The following HSP90AA1 variants were observed in gnomAD, a reference collection of about 807,000 sequenced individuals.
The protein encoded by HSP90AA1 is heat shock protein 90 alpha family class A member 1.
HSP90AA1 carries 18 observed loss-of-function variants against 73.3 expected under a neutral mutation model. That is an observed-to-expected ratio of 0.25 (90% confidence interval 0.17 to 0.36). The LOEUF is 0.36. Among genes scored for constraint, HSP90AA1 ranks in the 10% least tolerant of loss-of-function variants. The pLI, the probability that HSP90AA1 is intolerant of heterozygous loss-of-function variation, is 1.00. For missense variants in HSP90AA1, 704 were observed against 874.2 expected (o/e 0.81, Z 2.45); for synonymous variants, 477 against 296.9 (o/e 1.61, Z -6.24).
rs1459747891 is a variant in HSP90AA1, at chr14:102,139,188, C to T, written c.155+62G>A. On this transcript the variant is annotated intron_variant, in intron 1 of 11. Coordinates refer to the HSP90AA1 transcript ENST00000334701. ...AACACCTATGCTGTACCACATTCTT[C>T]TCTCCCCCTACCCCGCCTGAAATAA... The T allele has an allele frequency of 1.9e-6, 3 of 1,591,506 alleles. No homozygotes were observed. In the Admixed American group the frequency reaches 5.1e-5, roughly 27 times the overall value.
At chr14:102,085,690 G>A (rs2049213389) in intron 3 of HSP90AA1, 68 bp downstream of exon 3, 2 of 1,607,784 alleles carry the variant, frequency 1.2e-6, no homozygotes, top group Non-Finnish European at 1.7e-6. Context: ...CGCATCCCCA[G>A]GGGTCCAAGG....
chr14:102,108,264 A>G (rs946784830), intron 1 of HSP90AA1, among the ~76,000 whole-genome samples: 2 of 17,090 alleles, frequency 1.2e-4, no homozygotes, highest in South Asian at 0.016. Flanking sequence ...CCTTGTCTCC[A>G]AAAAAAAAAA....
rs2049963220 is a variant in HSP90AA1, at chr14:102,134,842, T to C, written c.155+4408A>G. ...GAAGTGAACCCGAGCGGGTTGCCAATGCTAGCTCGGGCAGCCTGCTTTTAT... is the reference window on the plus strand; with the variant it reads ...GAAGTGAACCCGAGCGGGTTGCCAACGCTAGCTCGGGCAGCCTGCTTTTAT... On this transcript the variant is annotated intron_variant, in intron 1 of 11. Coordinates refer to the HSP90AA1 transcript ENST00000334701. 2.0e-5 allele frequency among the ~76,000 whole-genome samples: 3 copies of C among 152,192 alleles called. No homozygotes were observed. In the South Asian group the frequency reaches 6.2e-4, roughly 32 times the overall value.
chr14:102,085,399 G>C lies in HSP90AA1; in HGVS notation c.562C>G (p.Leu188Val), dbSNP rs765578002. Residue 188 changes from leucine to valine, a missense_variant, in exon 4 of 11, where the codon CTA (leucine) becomes GTA (valine). Transcript: ENST00000216281. Reference sequence around the variant, plus strand: ...TCAGTTTGGTCTTCTTTCAGGTGTAGGATAACTTTTGTTCCACGACCCATA... The same window carrying C: ...TCAGTTTGGTCTTCTTTCAGGTGTACGATAACTTTTGTTCCACGACCCATA... ...EPMGRGTKVILHLKEDQTEYL... is the reference protein window; with the variant it reads ...EPMGRGTKVIVHLKEDQTEYL... 4 of 1,613,592 alleles carry C rather than the reference G, an allele frequency of 2.5e-6. No homozygotes were observed. The highest frequency in any genetic ancestry group is 3.4e-6 in the Non-Finnish European group (4 of 1,179,530).
chr14:102,083,778 G>A lies in HSP90AA1; in HGVS notation c.1338+15C>T, dbSNP rs557394120. 12 of 1,601,536 alleles carry A rather than the reference G, an allele frequency of 7.5e-6. No individual in the cohort carries two copies. The South Asian group carries it at 1.2e-4, about 16-fold the overall frequency. On this transcript the variant is annotated intron_variant, in intron 7 of 10. Coordinates refer to ENST00000216281, the MANE Select transcript of HSP90AA1 (RefSeq NM_005348.4). Reference sequence around the variant, plus strand: ...AAAGAGGCCAATTGGAAAACTAATGGTTATTTACACCAACCTTTATGTTTT... The same window carrying A: ...AAAGAGGCCAATTGGAAAACTAATGATTATTTACACCAACCTTTATGTTTT...
At chr14:102,102,607 C>T (rs962748432) in intron 1 of HSP90AA1, among the ~76,000 whole-genome samples, 5 of 152,198 alleles carry the variant, frequency 3.3e-5, no homozygotes, top group African/African-American at 4.8e-5. Flanking sequence ...CCCTGTTCCA[C>T]ACTCTGTATG....
rs376375963 is a variant in HSP90AA1, at chr14:102,139,238, G to A, written c.155+12C>T. On this transcript the variant is annotated intron_variant, in intron 1 of 11. Transcript: ENST00000334701. ...AAACATAGTGAAGCGTAAATCTTGAGTCCCTTGGTACCTTCTCAGAAACGG... is the reference window on the plus strand; with the variant it reads ...AAACATAGTGAAGCGTAAATCTTGAATCCCTTGGTACCTTCTCAGAAACGG... The A allele has an allele frequency of 3.0e-5, 49 of 1,614,058 alleles. No homozygotes were observed. In the South Asian group the frequency reaches 5.4e-4, roughly 18 times the overall value.
intron 1 of HSP90AA1, among the ~76,000 whole-genome samples, chr14:102,134,671 G>C (rs1034218752): frequency 1.3e-5 from 2 of 152,128 alleles, no homozygotes; most frequent in Non-Finnish European, 2.9e-5. Context: ...GTTCCTCCCG[G>C]TGGGCTCGTG....
intron 1 of HSP90AA1, among the ~76,000 whole-genome samples, chr14:102,136,365 G>C (rs886879900): frequency 1.3e-5 from 2 of 148,314 alleles, no homozygotes; most frequent in East Asian, 2.1e-4. Context: ...TCAGGAGTTC[G>C]AGACCAGCCT....
intron 1 of HSP90AA1, among the ~76,000 whole-genome samples, chr14:102,134,476 C>T (rs549287989): frequency 5.3e-5 from 8 of 152,218 alleles, no homozygotes; most frequent in African/African-American, 1.4e-4. Flanking sequence ...AATGAAGCCG[C>T]GGACCCTCGC....
intron 1 of HSP90AA1, among the ~76,000 whole-genome samples, chr14:102,107,542 C>G (rs1381776173): frequency 6.6e-6 from 1 of 152,018 alleles, no homozygotes; most frequent in Non-Finnish European, 1.5e-5. Context: ...CCAGGATGGT[C>G]TCGATCTCTT....
chr14:102,083,503 T>C, intron 8 of HSP90AA1, 43 bp downstream of exon 8: 1 of 1,593,038 alleles, frequency 6.3e-7, no homozygotes, highest in South Asian at 1.1e-5. Context: ...GCCTACAAGA[T>C]TGTAAGAACG....
chr14:102,101,768 T>A (rs996083943), intron 2 of HSP90AA1: 11 of 855,380 alleles, frequency 1.3e-5, no homozygotes, highest in Non-Finnish European at 2.1e-5. Context: ...ATAAAGAGAG[T>A]GACATTGTTT....
chr14:102,125,023 ACT>A (rs1178298309), intron 1 of HSP90AA1, among the ~76,000 whole-genome samples: 3 of 152,132 alleles, frequency 2.0e-5, no homozygotes, highest in African/African-American at 7.2e-5. Context: ...ATGAAGTCTC[ACT>A]CTGTTGCCTA....
At chr14:102,133,043 G>A (rs1726653959) in intron 1 of HSP90AA1, among the ~76,000 whole-genome samples, 1 of 152,238 alleles carries the variant, frequency 6.6e-6, no homozygotes, top group African/African-American at 2.4e-5. Context: ...ACTTTGGGAG[G>A]CCAAGGCAGG....
chr14:102,085,669 G>C (rs2152612687), intron 3 of HSP90AA1, 89 bp downstream of exon 3: 1 of 1,580,778 alleles, frequency 6.3e-7, no homozygotes, highest in Non-Finnish European at 8.7e-7. Context: ...CACAAATTCT[G>C]TAAGCTTCAC....
rs571632929 is a variant in HSP90AA1, at chr14:102,093,370, G to A, written c.367-6992C>T. Reference sequence around the variant, plus strand: ...CTAAAAATACAAAAATTAGCTGGGCGTGGTGGCATATGCCTGTAATCCCAG... The same window carrying A: ...CTAAAAATACAAAAATTAGCTGGGCATGGTGGCATATGCCTGTAATCCCAG... On this transcript the variant is annotated intron_variant, in intron 2 of 11. Transcript: ENST00000334701. Among the ~76,000 whole-genome samples the A allele has an allele frequency of 5.9e-5, 9 of 151,462 alleles. No homozygotes were observed. The South Asian group carries it at 1.7e-3, about 28-fold the overall frequency.
chr14:102,084,516 G>A lies in HSP90AA1; in HGVS notation c.1030C>T (p.Pro344Ser). Residue 344 changes from proline (P) to serine (S), a missense_variant, in exon 6 of 11, where the codon CCA becomes TCA. Pro to Ser is a moderately conservative substitution (Grantham distance 74). Coordinates refer to ENST00000216281, the MANE Select transcript of HSP90AA1 (RefSeq NM_005348.4). ...QLEFRALLFV[P>S]RRAPFDLFEN... ...AACAGATCAAAAGGAGCACGTCGTG[G>A]GACAAATAGAAGGGCTCTGAATTCC... 5 of 1,614,104 alleles carry A rather than the reference G, an allele frequency of 3.1e-6. No homozygotes were observed. The highest frequency in any genetic ancestry group is 4.2e-6 in the Non-Finnish European group (5 of 1,179,974).
intron 1 of HSP90AA1, among the ~76,000 whole-genome samples, chr14:102,128,403 G>T (rs2049863153): frequency 6.6e-6 from 1 of 152,070 alleles, no homozygotes; most frequent in South Asian, 2.1e-4. Context: ...CGAGGTGGGT[G>T]GATCACCTGA....
Sources: allele counts gnomAD v4.1 joint callset (sites outside exome capture counted in the v4.1 genomes callset), GRCh38; gene constraint gnomAD v4.1.1; transcripts MANE v1.5; gene names NCBI Gene and HGNC (gene_info 2026-07-23, HGNC 2026-07-21).